SENP6: variants seen among roughly 807,000 people sequenced by gnomAD.
SENP6 encodes SUMO specific peptidase 6.
Under a neutral mutation model 134.5 loss-of-function variants are expected in SENP6, and 41 were observed. The ratio of observed to expected loss-of-function variants is 0.30; its 90% CI spans 0.24 to 0.40. The LOEUF (loss-of-function observed/expected upper bound fraction) is 0.40, where lower values mean the gene tolerates loss of function less well. Ranked by LOEUF, SENP6 falls within the 10% of genes least tolerant of loss-of-function variation. SENP6 has a pLI of 1.00. For synonymous variants in SENP6, 395 were observed against 429.8 expected (o/e 0.92, Z 1.00); for missense variants, 1,248 against 1,312.5 (o/e 0.95, Z 0.76).
intron 1 of SENP6, among the ~76,000 whole-genome samples, chr6:75,606,373 C>T (rs1197285956): frequency 6.6e-6 from 1 of 152,134 alleles, no homozygotes; most frequent in East Asian, 1.9e-4. Context: ...AACTGTTGCT[C>T]ATAACCCCTT....
chr6:75,647,413 CTAAA>C (rs1770535864), intron 6 of SENP6: 2 of 211,634 alleles, frequency 9.5e-6, no homozygotes, highest in Non-Finnish European at 9.6e-6. Context: ...TACTACAAGA[CTAAA>C]TACTTGTTCC....
rs1459912609 is a variant in SENP6, at chr6:75,675,705, TAAAG to T, written c.1427-153_1427-150del. On this transcript the variant is annotated intron_variant, in intron 12 of 23. Transcript: ENST00000447266. ...TAAAAAAGTTTCTTTAAGGCAGTTATAAAGATTTTTTTTATTACCCACAAGAGTA... is the reference window on the plus strand; with the variant it reads ...TAAAAAAGTTTCTTTAAGGCAGTTATATTTTTTTTATTACCCACAAGAGTA... The T allele has an allele frequency of 9.3e-6, 8 of 860,806 alleles. No homozygotes were observed. The African/African-American group carries it at 1.0e-4, about 11-fold the overall frequency. 53.3% of individuals were successfully genotyped at this position (860,806 alleles called of 1,614,324 possible).
At chr6:75,640,311 C>G (rs1294107050) in intron 5 of SENP6, among the ~76,000 whole-genome samples, 1 of 152,148 alleles carries the variant, frequency 6.6e-6, no homozygotes, top group African/African-American at 2.4e-5. Context: ...ACCAATGCTT[C>G]ATTTTGGTAT....
intron 8 of SENP6, among the ~76,000 whole-genome samples, chr6:75,660,258 T>C (rs1477511234): frequency 1.3e-5 from 2 of 152,218 alleles, no homozygotes; most frequent in Non-Finnish European, 2.9e-5. Context: ...ACATACGATG[T>C]TGATTTTCAC....
chr6:75,667,243 C>T (rs1414215709), intron 10 of SENP6, among the ~76,000 whole-genome samples: 1 of 151,982 alleles, frequency 6.6e-6, no homozygotes, highest in Admixed American at 6.6e-5. Context: ...GTCATTTTGA[C>T]AGAGATATAT....
chr6:75,692,991 A>C (rs1774391063), intron 16 of SENP6, among the ~76,000 whole-genome samples: 1 of 152,226 alleles, frequency 6.6e-6, no homozygotes, highest in Non-Finnish European at 1.5e-5. Flanking sequence ...GGATGGCTTC[A>C]GCCCAGGAGG....
Position 75,634,805 on chromosome 6 carries a change from C to A in SENP6, c.452C>A (p.Ala151Asp). The A allele has an allele frequency of 6.3e-7, 1 of 1,587,484 alleles. No homozygotes were observed. Among genetic ancestry groups the A allele is most frequent in the Non-Finnish European group, 8.6e-7 (1 of 1,165,636 alleles). The change falls in exon 5 of 24, where the codon GCC becomes GAC. Residue 151 changes from alanine to aspartate, a missense_variant. Around this residue, in one of 3 missense-constraint regions of SENP6, gnomAD observed 733 missense variants for 725.4 expected, o/e 1.01. Transcript: ENST00000447266. ...HAQIPVVKTA[A>D]QSSLDRKERK... The stretch of plus-strand genomic sequence containing the variant: ...CAGATACCAGTAGTAAAAACAGCAG[C>A]CCAAAGGTAAGAATTCTAATTGTCT...
In SENP6 at chr6:75,717,454, A is replaced by C. The variant is rs971060217; in HGVS notation, c.*1860A>C. ...CAAGTCAATCAGATTTTAACATGAA[A>C]AATATAGATTAATGTATGTCAGCTT... On this transcript the variant is annotated 3_prime_UTR_variant, in exon 24 of 24. Coordinates refer to ENST00000447266, the MANE Select transcript of SENP6 (RefSeq NM_015571.4). 1 of 152,100 alleles carries C rather than the reference A, an allele frequency of 6.6e-6. No homozygotes were observed. The highest frequency in any genetic ancestry group is 1.5e-5 in the Non-Finnish European group (1 of 67,952). The allele number at this position is 152,100 out of a possible 1,614,324, so 9.4% of individuals were successfully genotyped here.
At chr6:75,655,944 CG>C (rs1019964996) in intron 7 of SENP6, among the ~76,000 whole-genome samples, 1 of 152,036 alleles carries the variant, frequency 6.6e-6, no homozygotes, top group Non-Finnish European at 1.5e-5. Flanking sequence ...CTAGGCTGGG[CG>C]TGGTGGTTCA....
intron 1 of SENP6, among the ~76,000 whole-genome samples, chr6:75,615,625 T>TTA (rs1170289653): frequency 6.6e-6 from 1 of 152,232 alleles, no homozygotes; most frequent in East Asian, 1.9e-4. Context: ...AAGATTTTGT[T>TTA]TAGGTTTTAT....
At chr6:75,713,926 C>A in intron 23 of SENP6, 101 bp downstream of exon 23, 1 of 938,660 alleles carries the variant, frequency 1.1e-6, no homozygotes, top group East Asian at 2.7e-5. Context: ...TAAAGAGTTT[C>A]AAAATTATTG....
At chr6:75,636,866 G>A (rs563203798) in intron 5 of SENP6, among the ~76,000 whole-genome samples, 1 of 141,554 alleles carries the variant, frequency 7.1e-6, no homozygotes, top group East Asian at 2.0e-4. Flanking sequence ...CTTATTTTCT[G>A]AAGTCTTAAT....
intron 16 of SENP6, among the ~76,000 whole-genome samples, chr6:75,690,095 C>T (rs899366285): frequency 6.6e-6 from 1 of 152,078 alleles, no homozygotes; most frequent in African/African-American, 2.4e-5. Context: ...CACTTTTATA[C>T]AGATGGTGTC....
At chr6:75,678,547 T>A (rs767888669) in intron 14 of SENP6, 36 bp from the exon 15 acceptor site, 2 of 998,500 alleles carry the variant, frequency 2.0e-6, no homozygotes, top group Non-Finnish European at 3.1e-6. Context: ...CTTTTCCTAA[T>A]TGACTGTAAA....
intron 18 of SENP6, among the ~76,000 whole-genome samples, chr6:75,698,831 C>T (rs149089495): frequency 2.6e-5 from 4 of 151,548 alleles, no homozygotes; most frequent in East Asian, 1.9e-4. Flanking sequence ...GCGAACATGG[C>T]GAAACCTCGT....
chr6:75,669,938 A>T (rs1772536724), intron 10 of SENP6, among the ~76,000 whole-genome samples: 2 of 150,178 alleles, frequency 1.3e-5, no homozygotes, highest in East Asian at 3.9e-4. Context: ...ACAAGATCAG[A>T]TTTTTTTTTT....
At chr6:75,613,021 C>T (rs924361192) in intron 1 of SENP6, among the ~76,000 whole-genome samples, 5 of 151,496 alleles carry the variant, frequency 3.3e-5, no homozygotes, top group East Asian at 1.9e-4. Flanking sequence ...GGCTGAGGCA[C>T]GAGAATCGCT....
intron 14 of SENP6, chr6:75,677,894 A>G (rs6453837): frequency 0.31 from 46,933 of 152,184 alleles, 7,888 homozygotes; most frequent in African/African-American, 0.45. Context: ...TTTATTGGGA[A>G]CAGATCTCTC....
chr6:75,701,863 C>T (rs950400670), intron 18 of SENP6, among the ~76,000 whole-genome samples: 2 of 151,996 alleles, frequency 1.3e-5, no homozygotes, highest in African/African-American at 4.8e-5. Context: ...TGTTCTCGAA[C>T]TCCTGAACTC....
Sources: gnomAD v4.1 joint callset for allele counts (sites outside exome capture counted in the v4.1 genomes callset) on GRCh38, gnomAD v4.1.1 for gene constraint, gnomAD v4.1.1 regional missense constraint, MANE v1.5 for transcripts, NCBI Gene and HGNC (gene_info 2026-07-23, HGNC 2026-07-21) for gene names.